Variants in ADGRD1 observed in about 807,000 individuals in gnomAD.
ADGRD1 encodes G-protein coupled receptor 133.
Under a neutral mutation model 113.4 loss-of-function variants are expected in ADGRD1, and 77 were observed. The observed-to-expected ratio is 0.68, with a 90% CI of 0.57 to 0.82. The LOEUF (loss-of-function observed/expected upper bound fraction) is 0.82. ADGRD1 is among the 40% of genes least tolerant of loss of function. The probability of loss-of-function intolerance (pLI) is 0.00; values close to 1 mark genes in which losing one functional copy is unlikely to be tolerated. For missense variants in ADGRD1, 1,036 were observed against 1,139.1 expected, an observed-to-expected ratio of 0.91 and a Z score of 1.30; for synonymous variants, 474 against 475.0, an observed-to-expected ratio of 1.00 and a Z score of 0.03.
intron 13 of ADGRD1, among the ~76,000 whole-genome samples, chr12:131,021,665 G>A (rs1367687887): frequency 6.6e-6 from 1 of 152,072 alleles, no homozygotes; most frequent in African/African-American, 2.4e-5. Flanking sequence ...TTCTCCCTAT[G>A]TCCTCACATG....
At chr12:131,070,554 G>A in intron 13 of ADGRD1, 1 of 215,000 alleles carries the variant, frequency 4.7e-6, no homozygotes, top group South Asian at 5.9e-5. Flanking sequence ...GAGGCGGTCT[G>A]AGACGCGCTT....
At chr12:130,969,052 C>T in intron 3 of ADGRD1, 2 of 1,523,964 alleles carry the variant, frequency 1.3e-6, no homozygotes, top group East Asian at 2.4e-5. Context: ...TCTGCCTACT[C>T]AAATCTCTCT....
chr12:131,049,778 C>G (rs568098735), intron 13 of ADGRD1, among the ~76,000 whole-genome samples: 1 of 152,184 alleles, frequency 6.6e-6, no homozygotes, highest in African/African-American at 2.4e-5. Context: ...GAATGGCTTT[C>G]CTGGAGCGGG....
chr12:130,979,242 G>A (rs1199328112), intron 4 of ADGRD1, among the ~76,000 whole-genome samples: 1 of 152,208 alleles, frequency 6.6e-6, no homozygotes, highest in Admixed American at 6.5e-5. Context: ...GTTGTACCCC[G>A]TAGCCTCTCA....
At chr12:131,036,876 C>T (rs909179124) in intron 13 of ADGRD1, among the ~76,000 whole-genome samples, 3 of 150,024 alleles carry the variant, frequency 2.0e-5, no homozygotes, top group Non-Finnish European at 4.4e-5. Flanking sequence ...CCAGGTTTCA[C>T]TCACTGCACT....
intron 8 of ADGRD1, among the ~76,000 whole-genome samples, chr12:130,993,108 T>C (rs147273063): frequency 6.6e-6 from 1 of 152,274 alleles, no homozygotes; most frequent in East Asian, 1.9e-4. Flanking sequence ...CTAACATCTC[T>C]GCCTCACTTG....
chr12:131,121,019 G>A (rs1208831328), intron 20 of ADGRD1, 106 bp downstream of exon 20: 5 of 1,003,222 alleles, frequency 5.0e-6, no homozygotes, highest in Non-Finnish European at 7.5e-6. Flanking sequence ...GCTTCCGAAG[G>A]ATGCAGCGTC....
rs571080842 is a variant in ADGRD1, at chr12:131,074,940, C to A, written c.1474-1861C>A. ...TTGAAGAGTGATTTAGATCTGAAGT[C>A]AGAGTGTCAGGACTTCCAGAGGCCA... On this transcript the variant is annotated intron_variant, in intron 13 of 24. Transcript: ENST00000261654. Among the ~76,000 whole-genome samples the A allele has an allele frequency of 2.7e-4, 41 of 152,288 alleles. No individual in the cohort carries two copies. The South Asian group carries it at 8.3e-3, about 31-fold the overall frequency.
At chr12:131,097,507 A>G (rs570284230) in intron 15 of ADGRD1, among the ~76,000 whole-genome samples, 1 of 152,310 alleles carries the variant, frequency 6.6e-6, no homozygotes, top group South Asian at 2.1e-4. Context: ...CAGCAACTGG[A>G]CCCAGCCCGG....
chr12:131,039,942 G>C (rs1881946822), intron 13 of ADGRD1, among the ~76,000 whole-genome samples: 2 of 152,342 alleles, frequency 1.3e-5, no homozygotes, highest in African/African-American at 4.8e-5. Flanking sequence ...CGGTCCCTGA[G>C]GCCGGCGCAG....
At chr12:131,063,296 T>C (rs767994275) in intron 13 of ADGRD1, among the ~76,000 whole-genome samples, 7 of 152,248 alleles carry the variant, frequency 4.6e-5, no homozygotes, top group Non-Finnish European at 1.0e-4. Flanking sequence ...AGCTGAAGCT[T>C]CTAAATTTTG....
At chr12:131,065,901 G>A (rs914686404) in intron 13 of ADGRD1, among the ~76,000 whole-genome samples, 2 of 152,196 alleles carry the variant, frequency 1.3e-5, no homozygotes, top group African/African-American at 2.4e-5. Context: ...CTCCGGGGGT[G>A]GAGGAAGAGA....
intron 19 of ADGRD1, 140 bp downstream of exon 19, chr12:131,118,591 G>A (rs1950520669): frequency 3.4e-6 from 2 of 586,194 alleles, no homozygotes; most frequent in Non-Finnish European, 3.0e-6. Flanking sequence ...CCCAGCCGGT[G>A]AGAAAGTCGT....
At chr12:130,991,167 T>C in intron 7 of ADGRD1, 89 bp downstream of exon 7, 2 of 1,023,926 alleles carry the variant, frequency 2.0e-6, no homozygotes, top group Non-Finnish European at 3.1e-6. Flanking sequence ...ATTAGGTGTC[T>C]GGGCTCTCTG....
chr12:131,043,745 C>T (rs1301949398), intron 13 of ADGRD1, among the ~76,000 whole-genome samples: 1 of 152,202 alleles, frequency 6.6e-6, no homozygotes, highest in Non-Finnish European at 1.5e-5. Context: ...GGAACGGGCT[C>T]GTGCGGCTGG....
At chr12:131,065,089 A>G (rs1467903472) in intron 13 of ADGRD1, among the ~76,000 whole-genome samples, 1 of 152,112 alleles carries the variant, frequency 6.6e-6, no homozygotes, top group Non-Finnish European at 1.5e-5. Context: ...TCCTTTTCGA[A>G]TAAATCTTTC....
intron 2 of ADGRD1, among the ~76,000 whole-genome samples, chr12:130,960,995 TGTGTTG>T (rs1870283481): frequency 6.6e-6 from 1 of 152,092 alleles, no homozygotes; most frequent in African/African-American, 2.4e-5. Context: ...ATGAGCTCCA[TGTGTTG>T]GAGGCCAAGG....
chr12:131,128,833 A>AGCCCCGCCCTGCTGTCTGGGTGTGGACG (rs1304425632), intron 20 of ADGRD1, among the ~76,000 whole-genome samples: 1 of 151,872 alleles, frequency 6.6e-6, no homozygotes, highest in African/African-American at 2.4e-5. Context: ...GGGTGTGGGC[A>AGCCCCGCCCTGCTGTCTGGGTGTGGACG]GCAGCCCTGC....
At chr12:131,066,121 A>G (rs1379721770) in intron 13 of ADGRD1, among the ~76,000 whole-genome samples, 1 of 152,238 alleles carries the variant, frequency 6.6e-6, no homozygotes, top group South Asian at 2.1e-4. Context: ...GGGCAACTCC[A>G]GACTCATGAG....
Sources: gnomAD v4.1 joint callset for allele counts (sites outside exome capture counted in the v4.1 genomes callset) on GRCh38, gnomAD v4.1.1 for gene constraint, MANE v1.5 for transcripts, NCBI Gene and HGNC (gene_info 2026-07-23, HGNC 2026-07-21) for gene names.